Variants in MAK observed in about 807,000 individuals in gnomAD.
MAK encodes male germ cell associated kinase.
In MAK, 65 loss-of-function variants were observed where a neutral mutation model predicts 82.6. The ratio of observed to expected loss-of-function variants is 0.79; its 90% CI spans 0.64 to 0.97. The LOEUF is 0.97. Ranked by LOEUF, MAK falls within the 50% of genes least tolerant of loss-of-function variation. The pLI is 0.00. For synonymous variants in MAK, 250 were observed against 274.2 expected (o/e 0.91, Z 0.87); for missense variants, 703 against 780.2 (o/e 0.90, Z 1.18).
intron 5 of MAK, among the ~76,000 whole-genome samples, chr6:10,810,963 T>A (rs151003210): frequency 2.9e-4 from 44 of 152,342 alleles, no homozygotes; most frequent in African/African-American, 9.1e-4. Flanking sequence ...CTATTTGAAC[T>A]AAATATTTTC....
intron 10 of MAK, among the ~76,000 whole-genome samples, chr6:10,786,060 C>T (rs1162955910): frequency 6.6e-6 from 1 of 152,124 alleles, no homozygotes; most frequent in Non-Finnish European, 1.5e-5. Context: ...GCCTGGCCAA[C>T]ATGGTGAAAC....
At chr6:10,816,978 T>G (rs556915603) in intron 4 of MAK, among the ~76,000 whole-genome samples, 2 of 152,284 alleles carry the variant, frequency 1.3e-5, no homozygotes, top group Admixed American at 1.3e-4. Context: ...AAAACTGATT[T>G]GAGGGGCAGA....
chr6:10,785,474 G>A (rs1774456137), intron 10 of MAK, among the ~76,000 whole-genome samples: 1 of 152,118 alleles, frequency 6.6e-6, no homozygotes, highest in South Asian at 2.1e-4. Context: ...AGAAATTCAT[G>A]CTACCAAACC....
At chr6:10,775,564 G>A in intron 11 of MAK, 105 bp from the exon 12 acceptor site, 1 of 1,255,044 alleles carries the variant, frequency 8.0e-7, no homozygotes, top group South Asian at 1.2e-5. Context: ...TTGGACAGGA[G>A]AATGGAAATA....
At chr6:10,818,202 T>C (rs1777640194) in intron 3 of MAK, among the ~76,000 whole-genome samples, 1 of 152,240 alleles carries the variant, frequency 6.6e-6, no homozygotes, top group Non-Finnish European at 1.5e-5. Flanking sequence ...GTTACGTTTT[T>C]CCCTTGGTTT....
At chr6:10,780,368 A>C (rs1015675225) in intron 11 of MAK, 2 of 331,230 alleles carry the variant, frequency 6.0e-6, no homozygotes, top group Non-Finnish European at 8.6e-6. Context: ...TCCTTTGACA[A>C]AAGTTTGCAG....
At chr6:10,808,680 TA>T (rs1776686343) in intron 6 of MAK, 129 bp downstream of exon 6, 1 of 961,462 alleles carries the variant, frequency 1.0e-6, no homozygotes, top group Non-Finnish European at 1.7e-6. Context: ...TCGCTTTCTT[TA>T]AAGAATATAA....
At chr6:10,771,430 G>A (rs1018122844) in intron 13 of MAK, among the ~76,000 whole-genome samples, 1 of 152,186 alleles carries the variant, frequency 6.6e-6, no homozygotes, top group Non-Finnish European at 1.5e-5. Flanking sequence ...AGATCTAGCA[G>A]GAGCTGCTGC....
At chr6:10,797,686 C>G (rs1173075562) in intron 8 of MAK, 2 of 985,330 alleles carry the variant, frequency 2.0e-6, no homozygotes, top group African/African-American at 3.5e-5. Context: ...TCCCCTGAAC[C>G]TCCTGCCTTT....
intron 12 of MAK, among the ~76,000 whole-genome samples, chr6:10,773,863 TTG>T (rs912860014): frequency 6.6e-6 from 1 of 151,830 alleles, no homozygotes; most frequent in African/African-American, 2.4e-5. Flanking sequence ...GGATTTTTTT[TTG>T]TGTGTGTGTA....
chr6:10,826,986 C>G (rs1378513165), intron 2 of MAK, among the ~76,000 whole-genome samples: 1 of 152,064 alleles, frequency 6.6e-6, no homozygotes, highest in Non-Finnish European at 1.5e-5. Context: ...TGGTACATGC[C>G]TGTAATCCCA....
intron 2 of MAK, among the ~76,000 whole-genome samples, chr6:10,820,949 ATTTAT>A (rs761098222): frequency 1.1e-4 from 17 of 151,944 alleles, no homozygotes; most frequent in Non-Finnish European, 2.1e-4. Context: ...GATTCTTTTT[ATTTAT>A]TTTATTTTTT....
chr6:10,775,190 A>G (rs1773356723), intron 12 of MAK, 138 bp downstream of exon 12: 6 of 952,446 alleles, frequency 6.3e-6, no homozygotes, highest in Non-Finnish European at 9.9e-6. Context: ...GGCTACCCAT[A>G]GGCAGAGTGT....
At chr6:10,818,476 T>C (rs1400260644) in intron 3 of MAK, among the ~76,000 whole-genome samples, 2 of 152,110 alleles carry the variant, frequency 1.3e-5, no homozygotes, top group Non-Finnish European at 2.9e-5. Context: ...TAGCTGGGCA[T>C]GGTGACACAC....
chr6:10,828,387 T>C (rs941714565), intron 2 of MAK, among the ~76,000 whole-genome samples: 6 of 152,120 alleles, frequency 3.9e-5, no homozygotes, highest in African/African-American at 1.2e-4. Context: ...AGGTGCCTCT[T>C]GCCAACAGCC....
chr6:10,784,690 T>A, intron 10 of MAK, 118 bp from the exon 11 acceptor site: 3 of 763,896 alleles, frequency 3.9e-6, no homozygotes, highest in Non-Finnish European at 6.3e-6. Flanking sequence ...TGACCTCACT[T>A]AAATGGTTTC....
chr6:10,769,561 C>T (rs756174069), intron 14 of MAK, among the ~76,000 whole-genome samples: 9 of 152,210 alleles, frequency 5.9e-5, no homozygotes, highest in Non-Finnish European at 1.2e-4. Flanking sequence ...CTAATTTCTA[C>T]GCCCTAAGAT....
chr6:10,790,127 T>A (rs906473428), intron 10 of MAK, among the ~76,000 whole-genome samples: 1 of 152,208 alleles, frequency 6.6e-6, no homozygotes, highest in Non-Finnish European at 1.5e-5. Flanking sequence ...TTGAAATAAC[T>A]GAGAGGTGTG....
At chr6:10,772,010 G>A (rs1435672196) in intron 13 of MAK, among the ~76,000 whole-genome samples, 2 of 152,196 alleles carry the variant, frequency 1.3e-5, no homozygotes, top group Non-Finnish European at 2.9e-5. Context: ...GGTTATGTAA[G>A]AATACCTAAG....
Sources: gnomAD v4.1 joint callset for allele counts (sites outside exome capture counted in the v4.1 genomes callset) on GRCh38, gnomAD v4.1.1 for gene constraint, MANE v1.5 for transcripts, NCBI Gene and HGNC (gene_info 2026-07-23, HGNC 2026-07-21) for gene names.